UGGT1: variants seen among roughly 807,000 people sequenced by gnomAD.
The protein encoded by UGGT1 is UDP-glucose glycoprotein glucosyltransferase 1.
In UGGT1, 107 loss-of-function variants were observed where a neutral mutation model predicts 203.9. The ratio of observed to expected loss-of-function variants is 0.52; its 90% confidence interval spans 0.45 to 0.62. The LOEUF (loss-of-function observed/expected upper bound fraction) is 0.62. UGGT1 is among the 20% of genes least tolerant of loss of function. The pLI is 0.00. For synonymous variants in UGGT1, 628 were observed against 653.5 expected (o/e 0.96, Z 0.59); for missense variants, 1,673 against 1,867.2 (o/e 0.90, Z 1.92).
intron 35 of UGGT1, 133 bp from the exon 36 acceptor site, chr2:128,180,757 C>A: frequency 1.2e-6 from 1 of 866,542 alleles, no homozygotes; most frequent in Non-Finnish European, 1.7e-6. Flanking sequence ...TGGGTCACGG[C>A]CGGTCTTTGT....
chr2:128,150,764 C>T (rs1328856051), intron 18 of UGGT1, among the ~76,000 whole-genome samples: 1 of 149,684 alleles, frequency 6.7e-6, no homozygotes, highest in Admixed American at 6.7e-5. Context: ...GATGCTATGG[C>T]AGGGAATACA....
chr2:128,148,236 A>G (rs967542966), intron 18 of UGGT1, among the ~76,000 whole-genome samples: 1 of 152,002 alleles, frequency 6.6e-6, no homozygotes, highest in African/African-American at 2.4e-5. Flanking sequence ...TAATTTTTAT[A>G]TTTTTAGTAG....
chr2:128,182,575 T>C (rs1193493119), intron 37 of UGGT1, among the ~76,000 whole-genome samples: 1 of 151,882 alleles, frequency 6.6e-6, no homozygotes, highest in Non-Finnish European at 1.5e-5. Context: ...GGTGGGCGCC[T>C]GTAATCCCAG....
intron 26 of UGGT1, among the ~76,000 whole-genome samples, chr2:128,167,978 G>C (rs1690879016): frequency 6.6e-6 from 1 of 152,164 alleles, no homozygotes; most frequent in Non-Finnish European, 1.5e-5. Flanking sequence ...CTCTTGTGTA[G>C]AGTCCTTTTT....
At chr2:128,162,158 G>T (rs762196507) in intron 25 of UGGT1, among the ~76,000 whole-genome samples, 5 of 151,436 alleles carry the variant, frequency 3.3e-5, no homozygotes, top group Non-Finnish European at 7.4e-5. Context: ...GTGCAGATTG[G>T]CCATTTATAT....
chr2:128,180,426 G>A (rs1263897610), intron 35 of UGGT1, among the ~76,000 whole-genome samples: 1 of 152,028 alleles, frequency 6.6e-6, no homozygotes, highest in Non-Finnish European at 1.5e-5. Context: ...TACTGCTGGC[G>A]CCTAAAGGTG....
At chr2:128,184,897 G>T (rs2104832209) in intron 38 of UGGT1, among the ~76,000 whole-genome samples, 1 of 152,218 alleles carries the variant, frequency 6.6e-6, no homozygotes, top group African/African-American at 2.4e-5. Context: ...GGCCAGGCTG[G>T]TCTCAAACTC....
chr2:128,138,965 T>G, intron 16 of UGGT1, 113 bp downstream of exon 16: 21 of 1,332,032 alleles, frequency 1.6e-5, no homozygotes, highest in Middle Eastern at 2.1e-4. Context: ...CAGGGGTGGG[T>G]CCTGAATTTA....
Position 128,107,916 on chromosome 2 carries a change from G to A in UGGT1, c.278-22G>A, listed in dbSNP as rs769708944. 7.4e-6 allele frequency: 12 copies of A among 1,613,672 alleles called. No homozygotes were observed. The South Asian group carries it at 1.3e-4, about 18-fold the overall frequency. ...ATCTCTAGTCATACGCAATTACTTT[G>A]GTTAATGTTCTTCCTTGACAGGTAC... On this transcript the variant is annotated intron_variant, in intron 3 of 40. Transcript: ENST00000259253.
intron 16 of UGGT1, chr2:128,139,739 G>T: frequency 6.5e-6 from 1 of 154,084 alleles, no homozygotes; most frequent in South Asian, 1.9e-4. Flanking sequence ...ATCATTCAGG[G>T]ACTTGCAGGC....
chr2:128,139,204 G>A (rs1329138632), intron 16 of UGGT1, among the ~76,000 whole-genome samples: 2 of 152,110 alleles, frequency 1.3e-5, no homozygotes, highest in Admixed American at 1.3e-4. Context: ...GTTTGCTTTT[G>A]TTTGTTTGTT....
chr2:128,105,687 G>A (rs1475757263), intron 3 of UGGT1, among the ~76,000 whole-genome samples: 1 of 151,740 alleles, frequency 6.6e-6, no homozygotes, highest in Non-Finnish European at 1.5e-5. Flanking sequence ...GCTAATTTTT[G>A]TAGTTTTAGC....
rs767824501 is a variant in UGGT1, at chr2:128,176,911, A to T, written c.3624+13A>T. 2.5e-6 allele frequency: 4 copies of T among 1,610,140 alleles called. No individual in the cohort carries two copies. In the African/African-American group the frequency reaches 5.3e-5, roughly 22 times the overall value. ...TATTAAAGTGAAGGTGAGTTTGGTA[A>T]AAGTAGTGGCATTCTGTTATTGGAC... On this transcript the variant is annotated intron_variant, in intron 32 of 40. Transcript: ENST00000259253.
intron 2 of UGGT1, chr2:128,102,989 A>T: frequency 2.2e-6 from 1 of 458,418 alleles, no homozygotes; most frequent in Non-Finnish European, 4.5e-6. Flanking sequence ...TTAATATATT[A>T]TGATAATGGG....
At chr2:128,127,254 C>T in intron 11 of UGGT1, 107 bp from the exon 12 acceptor site, 1 of 728,784 alleles carries the variant, frequency 1.4e-6, no homozygotes, top group Non-Finnish European at 2.3e-6. Flanking sequence ...AAATCTTAGC[C>T]CTGCCTTAGG....
chr2:128,147,676 T>G (rs1203378465), intron 18 of UGGT1, among the ~76,000 whole-genome samples: 2 of 152,042 alleles, frequency 1.3e-5, no homozygotes, highest in African/African-American at 4.8e-5. Context: ...AGTGACATGA[T>G]CTTAGCTCAC....
intron 1 of UGGT1, among the ~76,000 whole-genome samples, chr2:128,091,944 A>G (rs550164555): frequency 3.9e-5 from 6 of 152,348 alleles, no homozygotes; most frequent in Admixed American, 2.6e-4. Flanking sequence ...TCCGTCGCCA[A>G]TAACTTATAG....
intron 26 of UGGT1, among the ~76,000 whole-genome samples, chr2:128,168,609 G>A (rs1690914685): frequency 6.6e-6 from 1 of 152,134 alleles, no homozygotes; most frequent in Non-Finnish European, 1.5e-5. Context: ...AACAGTTAAT[G>A]GTTTTCAAAA....
intron 15 of UGGT1, among the ~76,000 whole-genome samples, chr2:128,138,254 T>C (rs1689228412): frequency 6.6e-6 from 1 of 152,192 alleles, no homozygotes; most frequent in African/African-American, 2.4e-5. Context: ...GCATGGTGGC[T>C]CATGCCTGTA....
Sources: allele counts gnomAD v4.1 joint callset (sites outside exome capture counted in the v4.1 genomes callset), GRCh38; gene constraint gnomAD v4.1.1; transcripts MANE v1.5; gene names NCBI Gene and HGNC (gene_info 2026-07-23, HGNC 2026-07-21).